Variants in WWOX observed in about 807,000 individuals in gnomAD.
WWOX encodes the protein WW domain containing oxidoreductase.
In WWOX, 69 loss-of-function variants were observed where a neutral mutation model predicts 46.2. The ratio of observed to expected loss-of-function variants is 1.49; its 90% CI spans 1.23 to 1.82. WWOX has a LOEUF of 1.82. WWOX is among the 40% of genes most tolerant of loss of function. The pLI is 0.00. For missense variants in WWOX, 919 were observed against 542.6 expected (o/e 1.69, Z -6.89); for synonymous variants, 359 against 202.6 (o/e 1.77, Z -6.56).
At chr16:79,037,892 G>T (rs571071164) in intron 8 of WWOX, among the ~76,000 whole-genome samples, 2 of 152,132 alleles carry the variant, frequency 1.3e-5, no homozygotes, top group South Asian at 2.1e-4. Flanking sequence ...AGAAATGCCA[G>T]CTGCAGCCAA....
chr16:78,524,124 T>C (rs897616446), intron 8 of WWOX, among the ~76,000 whole-genome samples: 2 of 152,208 alleles, frequency 1.3e-5, no homozygotes, highest in African/African-American at 4.8e-5. Context: ...AACATCACTT[T>C]GTAATTCTCT....
chr16:79,019,152 T>G, intron 8 of WWOX, among the ~76,000 whole-genome samples: 1 of 73,560 alleles, frequency 1.4e-5, no homozygotes, highest in African/African-American at 7.0e-5. Flanking sequence ...AGTGCGACCT[T>G]GTCTCAAAAA....
At chr16:78,767,298 T>C (rs1183429532) in intron 8 of WWOX, among the ~76,000 whole-genome samples, 3 of 151,880 alleles carry the variant, frequency 2.0e-5, no homozygotes. Context: ...TTATTTTTAT[T>C]ATTATTTTTT....
Position 78,685,554 on chromosome 16 carries a change from A to G in WWOX, c.1056+252802A>G, listed in dbSNP as rs184902701. ...AAAAATAGCCCCCAAAATGAAAATT[A>G]ATGTTGAGAATCTAGTCAATCTGCC... On this transcript the variant is annotated intron_variant, in intron 8 of 8. Transcript: ENST00000566780. Among the ~76,000 whole-genome samples the G allele has an allele frequency of 2.6e-5, 4 of 152,356 alleles. No individual in the cohort carries two copies. The East Asian group carries it at 7.7e-4, about 29-fold the overall frequency.
chr16:79,092,646 G>T (rs914259141), intron 8 of WWOX, among the ~76,000 whole-genome samples: 10 of 152,292 alleles, frequency 6.6e-5, no homozygotes, highest in African/African-American at 2.4e-4. Context: ...AGTAAAAGTC[G>T]TTGGCGAGGA....
chr16:79,104,130 G>C (rs2049260882), intron 8 of WWOX, among the ~76,000 whole-genome samples: 2 of 149,730 alleles, frequency 1.3e-5, no homozygotes, highest in Admixed American at 1.4e-4. Context: ...AGGCTCTAAA[G>C]CTGGAATCAA....
At chr16:78,795,638 T>G (rs2050717311) in intron 8 of WWOX, among the ~76,000 whole-genome samples, 1 of 152,212 alleles carries the variant, frequency 6.6e-6, no homozygotes. Context: ...CATGTATAAT[T>G]CTGGCTTTTG....
chr16:78,821,971 G>T (rs922857183), intron 8 of WWOX, among the ~76,000 whole-genome samples: 1 of 152,124 alleles, frequency 6.6e-6, no homozygotes, highest in African/African-American at 2.4e-5. Context: ...CGACCTACCA[G>T]GCTCAAGCGA....
chr16:78,897,766 G>C (rs1447206254), intron 8 of WWOX: 1 of 146,558 alleles, frequency 6.8e-6, no homozygotes, highest in African/African-American at 2.7e-5. Context: ...TAAAGTAATT[G>C]TATCATTTTA....
chr16:78,135,491 G>A (rs1030489940), intron 4 of WWOX, among the ~76,000 whole-genome samples: 1 of 152,126 alleles, frequency 6.6e-6, no homozygotes, highest in African/African-American at 2.4e-5. Context: ...TTTTGTTAAT[G>A]TTGTTTAGAT....
At chr16:78,697,896 A>C (rs1295925148) in intron 8 of WWOX, among the ~76,000 whole-genome samples, 1 of 152,138 alleles carries the variant, frequency 6.6e-6, no homozygotes, top group Non-Finnish European at 1.5e-5. Flanking sequence ...GAGAAAACTA[A>C]GAGGTTTAGT....
At chr16:78,915,039 C>T (rs766294362) in intron 8 of WWOX, among the ~76,000 whole-genome samples, 7 of 152,170 alleles carry the variant, frequency 4.6e-5, no homozygotes, top group African/African-American at 1.7e-4. Flanking sequence ...GATCACTTAG[C>T]CTGATCCACA....
intron 5 of WWOX, among the ~76,000 whole-genome samples, chr16:78,345,370 C>T (rs2081075201): frequency 9.7e-6 from 1 of 103,198 alleles, no homozygotes. Flanking sequence ...CCTTTAATCC[C>T]AGCACTTTGC....
chr16:79,184,145 A>C (rs2050967317), intron 8 of WWOX, among the ~76,000 whole-genome samples: 1 of 152,184 alleles, frequency 6.6e-6, no homozygotes, highest in Non-Finnish European at 1.5e-5. Context: ...ATGGATTGTA[A>C]ATTAAACCCT....
intron 8 of WWOX, among the ~76,000 whole-genome samples, chr16:78,667,688 A>T (rs2142192499): frequency 6.6e-6 from 1 of 151,886 alleles, no homozygotes; most frequent in East Asian, 1.9e-4. Flanking sequence ...AAAAAAAAAA[A>T]AAAAAGATAA....
At chr16:78,519,231 G>C (rs2043299068) in intron 8 of WWOX, among the ~76,000 whole-genome samples, 1 of 152,068 alleles carries the variant, frequency 6.6e-6, no homozygotes, top group Admixed American at 6.5e-5. Context: ...GATTAAAAGG[G>C]TTTTGTGTGT....
chr16:79,125,755 A>T (rs2049739601), intron 8 of WWOX, among the ~76,000 whole-genome samples: 1 of 152,230 alleles, frequency 6.6e-6, no homozygotes, highest in Admixed American at 6.5e-5. Context: ...GCCAGGATTT[A>T]ATATGGGTTC....
intron 8 of WWOX, among the ~76,000 whole-genome samples, chr16:78,490,504 T>C (rs774863250): frequency 1.3e-5 from 2 of 152,114 alleles, no homozygotes; most frequent in Admixed American, 6.5e-5. Context: ...CACAAGGAGG[T>C]CACGAACATG....
chr16:79,161,894 A>C (rs561110015), intron 8 of WWOX, among the ~76,000 whole-genome samples: 3 of 152,318 alleles, frequency 2.0e-5, no homozygotes, highest in African/African-American at 7.2e-5. Flanking sequence ...TTGAGGGGAA[A>C]TATGAGGCTT....
Sources: allele counts gnomAD v4.1 joint callset (sites outside exome capture counted in the v4.1 genomes callset), GRCh38; gene constraint gnomAD v4.1.1; transcripts MANE v1.5; gene names NCBI Gene and HGNC (gene_info 2026-07-23, HGNC 2026-07-21).